Variants in AVEN observed in about 807,000 individuals in gnomAD.
The protein encoded by AVEN is cell death regulator Aven.
Under a neutral mutation model 38.1 loss-of-function variants are expected in AVEN, and 41 were observed. That is an observed-to-expected ratio of 1.08 (90% CI 0.84 to 1.40). The LOEUF is 1.40. Among genes scored for constraint, AVEN ranks in the 40% most tolerant of loss-of-function variants. The pLI is 0.00. For missense variants in AVEN, 605 were observed against 438.8 expected, an observed-to-expected ratio of 1.38 and a Z score of -3.38; for synonymous variants, 206 against 171.8, an observed-to-expected ratio of 1.20 and a Z score of -1.56.
intron 2 of AVEN, among the ~76,000 whole-genome samples, chr15:33,933,524 CAGAGAG>C (rs3086294): frequency 0.01 from 484 of 46,368 alleles, 3 homozygotes; most frequent in South Asian, 0.018. Context: ...CACACACACA[CAGAGAG>C]AGAGAGAGAG....
intron 1 of AVEN, among the ~76,000 whole-genome samples, chr15:34,012,981 T>A (rs1467730444): frequency 6.6e-6 from 1 of 152,228 alleles, no homozygotes; most frequent in African/African-American, 2.4e-5. Context: ...CCCCACCAGC[T>A]TTTTTAATGG....
At chr15:33,864,131 G>T (rs180882042), downstream of AVEN, 6 of 1,608,300 alleles carry the variant, frequency 3.7e-6, no homozygotes, top group Non-Finnish European at 5.1e-6. Flanking sequence ...TCTTTTCCTC[G>T]TTCCAGGTTC....
chr15:34,033,260 C>T (rs896524658), intron 1 of AVEN, among the ~76,000 whole-genome samples: 4 of 152,102 alleles, frequency 2.6e-5, no homozygotes, highest in Non-Finnish European at 5.9e-5. Context: ...AATCCTAGCA[C>T]GTCAGGAGGC....
At chr15:33,970,214 T>C (rs1488948979) in intron 2 of AVEN, among the ~76,000 whole-genome samples, 1 of 151,944 alleles carries the variant, frequency 6.6e-6, no homozygotes, top group East Asian at 1.9e-4. Flanking sequence ...GAAATTCTCT[T>C]CCATTTCACT....
intron 1 of AVEN, among the ~76,000 whole-genome samples, chr15:34,030,538 G>A (rs1003311228): frequency 6.6e-6 from 1 of 152,046 alleles, no homozygotes; most frequent in African/African-American, 2.4e-5. Context: ...AGTAGAGACA[G>A]GGTTTCATTG....
chr15:33,878,070 A>C (rs1891323493), intron 2 of AVEN, among the ~76,000 whole-genome samples: 1 of 152,230 alleles, frequency 6.6e-6, no homozygotes, highest in Non-Finnish European at 1.5e-5. Context: ...AAGAAACTTT[A>C]CAAAATAAAA....
intron 2 of AVEN, among the ~76,000 whole-genome samples, chr15:33,916,610 G>C (rs1381051200): frequency 1.3e-5 from 2 of 152,104 alleles, no homozygotes; most frequent in Non-Finnish European, 2.9e-5. Flanking sequence ...CTAATGATCA[G>C]GGAAATGCAA....
In AVEN at chr15:34,049,270, C is replaced by G. The variant is rs554951097; in HGVS notation, n.1637+13652G>C. On this transcript the variant is annotated intron_variant and non_coding_transcript_variant, in intron 5 of 11. Coordinates refer to the AVEN transcript ENST00000675287. ...TAACAAACTTCACTGAGCTAAAGGA[C>G]CATGTTGTAACCCAATGCAAGGGAG... 2.6e-5 allele frequency among the ~76,000 whole-genome samples: 4 copies of G among 152,254 alleles called. No individual in the cohort carries two copies. In the South Asian group the frequency reaches 8.3e-4, roughly 32 times the overall value.
intron 2 of AVEN, among the ~76,000 whole-genome samples, chr15:33,891,677 C>T (rs186252197): frequency 2.6e-5 from 4 of 152,214 alleles, no homozygotes; most frequent in African/African-American, 9.6e-5. Flanking sequence ...GTGAACAGTG[C>T]CACAATAAAA....
At chr15:33,905,286 T>A (rs554021219) in intron 2 of AVEN, among the ~76,000 whole-genome samples, 2 of 152,288 alleles carry the variant, frequency 1.3e-5, no homozygotes, top group South Asian at 4.1e-4. Flanking sequence ...ACTTACTTGC[T>A]GTGAAACCTT....
chr15:33,936,854 A>C (rs999964135), intron 2 of AVEN, among the ~76,000 whole-genome samples: 5 of 152,292 alleles, frequency 3.3e-5, no homozygotes, highest in Admixed American at 1.3e-4. Context: ...AAACAGGGCC[A>C]GGCGCAGTGG....
chr15:33,920,868 G>C (rs1597232810), intron 2 of AVEN, among the ~76,000 whole-genome samples: 1 of 152,080 alleles, frequency 6.6e-6, no homozygotes, highest in Non-Finnish European at 1.5e-5. Flanking sequence ...CTGCCTCCTG[G>C]GTTTTCAAGC....
chr15:33,976,082 G>C (rs1481328151), intron 2 of AVEN, among the ~76,000 whole-genome samples: 1 of 152,136 alleles, frequency 6.6e-6, no homozygotes, highest in East Asian at 1.9e-4. Context: ...GTGAGATGGG[G>C]CTCAAGTATT....
intron 3 of AVEN, among the ~76,000 whole-genome samples, chr15:33,873,820 A>T (rs1327570037): frequency 1.3e-5 from 2 of 152,142 alleles, no homozygotes; most frequent in Non-Finnish European, 2.9e-5. Flanking sequence ...TACTCAAGCT[A>T]GAAAGCATAG....
intron 2 of AVEN, among the ~76,000 whole-genome samples, chr15:33,933,518 CACACACAGAGAGAGAGAGAGAGAG>C (rs1465995028): frequency 5.9e-4 from 68 of 114,886 alleles, no homozygotes; most frequent in African/African-American, 2.4e-3. Context: ...CACACACACA[CACACACAGAGAGAGAGAGAGAGAG>C]AGAGAGAGAG....
At chr15:33,981,329 CTGCGTACTAATATATTTTT>C (rs1277463857) in intron 2 of AVEN, among the ~76,000 whole-genome samples, 2 of 152,140 alleles carry the variant, frequency 1.3e-5, no homozygotes, top group Non-Finnish European at 2.9e-5. Context: ...GTTAGCACTC[CTGCGTACTAATATATTTTT>C]TCCGGACTTT....
chr15:33,940,904 TC>T (rs1894294608), intron 2 of AVEN, among the ~76,000 whole-genome samples: 1 of 152,176 alleles, frequency 6.6e-6, no homozygotes, highest in Non-Finnish European at 1.5e-5. Flanking sequence ...CATACATACC[TC>T]CTGTAACTTC....
At chr15:33,933,879 A>G (rs1893966433) in intron 2 of AVEN, among the ~76,000 whole-genome samples, 1 of 152,024 alleles carries the variant, frequency 6.6e-6, no homozygotes, top group Non-Finnish European at 1.5e-5. Context: ...GAATTGCTTG[A>G]ACTGGGGAGG....
chr15:33,853,823 G>A (rs1597041058), downstream of AVEN: 1 of 1,020,084 alleles, frequency 9.8e-7, no homozygotes, highest in East Asian at 2.6e-5. Context: ...TCTAACACTG[G>A]GAGAGCACTG....
Sources: gnomAD v4.1 joint callset for allele counts (sites outside exome capture counted in the v4.1 genomes callset) on GRCh38, gnomAD v4.1.1 for gene constraint, MANE v1.5 for transcripts, NCBI Gene and HGNC (gene_info 2026-07-23, HGNC 2026-07-21) for gene names.